The following SEMA6A variants were observed in gnomAD, a reference collection of about 807,000 sequenced individuals.
SEMA6A encodes the protein semaphorin 6A.
Under a neutral mutation model 96.8 loss-of-function variants are expected in SEMA6A, and 25 were observed. The ratio of observed to expected loss-of-function variants is 0.26; its 90% CI spans 0.19 to 0.36. The LOEUF (loss-of-function observed/expected upper bound fraction) is 0.36. Ranked by LOEUF, SEMA6A falls within the 10% of genes least tolerant of loss-of-function variation. SEMA6A has a pLI of 1.00. For synonymous variants in SEMA6A, 612 were observed against 518.0 expected (o/e 1.18, Z -2.46); for missense variants, 1,363 against 1,323.1 (o/e 1.03, Z -0.47).
chr5:116,520,489 C>G (rs1054993417), intron 1 of SEMA6A, among the ~76,000 whole-genome samples: 1 of 152,014 alleles, frequency 6.6e-6, no homozygotes, highest in African/African-American at 2.4e-5. Flanking sequence ...AAAAGAGTAT[C>G]AGGACAATTT....
At chr5:116,450,708 G>T (rs899533731) in intron 18 of SEMA6A, among the ~76,000 whole-genome samples, 2 of 151,984 alleles carry the variant, frequency 1.3e-5, no homozygotes, top group Non-Finnish European at 2.9e-5. Context: ...TTTTTCCCCC[G>T]TCTCATTTTG....
Position 116,478,544 on chromosome 5 carries a change from T to G in SEMA6A, c.1425A>C (p.Glu475Asp). 6.2e-7 allele frequency: 1 copy of G among 1,606,660 alleles called. No homozygotes were observed. Among genetic ancestry groups the G allele is most frequent in the East Asian group, 2.2e-5 (1 of 44,702 alleles). The change falls in exon 13 of 19, where the codon GAA becomes GAC. Residue 475 changes from glutamate (E) to aspartate (D), a missense_variant and splice_region_variant. Coordinates refer to ENST00000343348, the MANE Select transcript of SEMA6A (RefSeq NM_020796.5). ...AAAGAACCAAATATTCCACTTACTT[T>G]TCAGAGTTGTAAACACTCATCTCCT... is the stretch of plus-strand genomic sequence containing the variant. The part of the protein sequence containing the change: ...FLEEMSVYNS[E>D]KCSYDGVEDK...
At chr5:116,533,768 G>A (rs933159044) in intron 1 of SEMA6A, among the ~76,000 whole-genome samples, 1 of 152,030 alleles carries the variant, frequency 6.6e-6, no homozygotes, top group Non-Finnish European at 1.5e-5. Flanking sequence ...CTTTATCAGG[G>A]GACAAACAAA....
At chr5:116,548,268 A>C (rs770480592) in intron 1 of SEMA6A, among the ~76,000 whole-genome samples, 5 of 152,160 alleles carry the variant, frequency 3.3e-5, no homozygotes, top group Non-Finnish European at 5.9e-5. Flanking sequence ...CTGTACATTT[A>C]GATGCCATGC....
Position 116,444,325 on chromosome 5 carries a change from T to C in SEMA6A, c.*2288A>G, listed in dbSNP as rs1754057312. On this transcript the variant is annotated 3_prime_UTR_variant, in exon 19 of 19. Coordinates refer to ENST00000343348, the MANE Select transcript of SEMA6A (RefSeq NM_020796.5). ...TGGAACAAAGGGCTCTCACCCACCC[T>C]CAGCTAAGTACTCAGGTCTGAAGGC... The C allele has an allele frequency of 6.6e-6, 1 of 151,768 alleles. No homozygotes were observed. The highest frequency in any genetic ancestry group is 2.4e-5 in the African/African-American group (1 of 41,280). The allele number at this position is 151,768 out of a possible 1,614,324, so 9.4% of individuals were successfully genotyped here. A position where few individuals can be genotyped will look rare whatever the true frequency, so the allele number is the denominator to read the frequency against.
chr5:116,527,275 T>C (rs1759271827), intron 1 of SEMA6A, among the ~76,000 whole-genome samples: 1 of 152,198 alleles, frequency 6.6e-6, no homozygotes, highest in African/African-American at 2.4e-5. Context: ...AGCAATTGAA[T>C]ATTTCTGCCC....
intron 7 of SEMA6A, among the ~76,000 whole-genome samples, chr5:116,490,227 C>T (rs761448967): frequency 3.9e-5 from 6 of 152,086 alleles, no homozygotes; most frequent in Admixed American, 2.0e-4. Context: ...GAGAGCAAAC[C>T]TTTAAATTGG....
chr5:116,451,584 C>T (rs989165331), intron 18 of SEMA6A, among the ~76,000 whole-genome samples: 3 of 152,018 alleles, frequency 2.0e-5, no homozygotes, highest in African/African-American at 4.8e-5. Context: ...CACATTTTTT[C>T]GGCATTTATA....
chr5:116,488,832 C>T, intron 8 of SEMA6A, 56 bp downstream of exon 8: 15 of 1,493,940 alleles, frequency 1.0e-5, no homozygotes, highest in East Asian at 2.5e-5. Flanking sequence ...CTAAATCTCC[C>T]ACAAGATGTG....
At chr5:116,482,381 A>T in intron 11 of SEMA6A, 63 bp downstream of exon 11, 2 of 1,544,368 alleles carry the variant, frequency 1.3e-6, no homozygotes, top group Admixed American at 3.7e-5. Context: ...GATGTTCATT[A>T]TCAGAGGTGC....
At chr5:116,487,922 A>G (rs939681084) in intron 9 of SEMA6A, among the ~76,000 whole-genome samples, 186 bp downstream of exon 9, 1 of 152,182 alleles carries the variant, frequency 6.6e-6, no homozygotes, top group Non-Finnish European at 1.5e-5. Context: ...TAAATTTTCC[A>G]TAGAAATACT....
chr5:116,467,103 A>G (rs982715595), intron 18 of SEMA6A, among the ~76,000 whole-genome samples: 1 of 152,128 alleles, frequency 6.6e-6, no homozygotes, highest in African/African-American at 2.4e-5. Flanking sequence ...GCTCTATTCA[A>G]ATTCAGCACC....
At chr5:116,449,987 A>G (rs1226049174) in intron 18 of SEMA6A, 1 of 152,186 alleles carries the variant, frequency 6.6e-6, no homozygotes, top group Admixed American at 6.5e-5. Context: ...CCTGCATTCA[A>G]ATATATTTTA....
intron 17 of SEMA6A, chr5:116,472,693 C>G (rs1411606490): frequency 6.0e-6 from 3 of 500,076 alleles, no homozygotes; most frequent in Non-Finnish European, 1.0e-5. Context: ...AGGACTCAGT[C>G]TCCCACATCA....
chr5:116,541,587 C>G (rs1353680376), intron 1 of SEMA6A, among the ~76,000 whole-genome samples: 9 of 152,160 alleles, frequency 5.9e-5, no homozygotes, highest in Admixed American at 4.6e-4. Flanking sequence ...AATCCCAGCA[C>G]TTTGGGAAGC....
At chr5:116,560,576 T>C (rs745634311) in intron 1 of SEMA6A, among the ~76,000 whole-genome samples, 1 of 151,968 alleles carries the variant, frequency 6.6e-6, no homozygotes, top group Non-Finnish European at 1.5e-5. Flanking sequence ...GTTTCTGTTT[T>C]ATAGGTAAGA....
chr5:116,521,171 C>T (rs1174767049), intron 1 of SEMA6A, among the ~76,000 whole-genome samples: 1 of 152,190 alleles, frequency 6.6e-6, no homozygotes, highest in Non-Finnish European at 1.5e-5. Flanking sequence ...ATCTATACAG[C>T]TCTACCTCTT....
chr5:116,551,102 T>A (rs1417970645), intron 1 of SEMA6A, among the ~76,000 whole-genome samples: 1 of 152,058 alleles, frequency 6.6e-6, no homozygotes, highest in Non-Finnish European at 1.5e-5. Flanking sequence ...AGTGGCTTTA[T>A]GGAATTCATA....
At chr5:116,503,880 G>A (rs1758018591) in intron 2 of SEMA6A, among the ~76,000 whole-genome samples, 1 of 152,144 alleles carries the variant, frequency 6.6e-6, no homozygotes, top group Non-Finnish European at 1.5e-5. Context: ...ATAAATAAAT[G>A]TTTATTAAGT....
Sources: gnomAD v4.1 joint callset for allele counts (sites outside exome capture counted in the v4.1 genomes callset) on GRCh38, gnomAD v4.1.1 for gene constraint, MANE v1.5 for transcripts, NCBI Gene and HGNC (gene_info 2026-07-23, HGNC 2026-07-21) for gene names.